AHI1: variants seen among roughly 807,000 people sequenced by gnomAD.
AHI1 encodes jouberin.
Under a neutral mutation model 149.3 loss-of-function variants are expected in AHI1, and 123 were observed. The ratio of observed to expected loss-of-function variants is 0.82; its 90% CI spans 0.71 to 0.96. The LOEUF is 0.96. AHI1 is among the 40% of genes least tolerant of loss of function. The pLI is 0.00. For synonymous variants in AHI1, 475 were observed against 459.8 expected, an observed-to-expected ratio of 1.03 and a Z score of -0.42; for missense variants, 1,439 against 1,422.7, an observed-to-expected ratio of 1.01 and a Z score of -0.18.
chr6:135,436,975 A>T (rs1230687211), intron 15 of AHI1, among the ~76,000 whole-genome samples: 3 of 152,216 alleles, frequency 2.0e-5, no homozygotes, highest in African/African-American at 7.2e-5. Context: ...AGTAGATGTA[A>T]TACAAATTTT....
intron 24 of AHI1, among the ~76,000 whole-genome samples, chr6:135,339,331 A>AT (rs960588833): frequency 1.4e-4 from 21 of 152,194 alleles, no homozygotes; most frequent in African/African-American, 5.1e-4. Flanking sequence ...TGGAGGCAAA[A>AT]TAGTTAACAG....
chr6:135,353,091 C>T (rs971429353), intron 24 of AHI1, among the ~76,000 whole-genome samples: 1 of 151,918 alleles, frequency 6.6e-6, no homozygotes, highest in African/African-American at 2.4e-5. Flanking sequence ...AAAAAATCAA[C>T]ATAAGCTTCA....
rs1375938927 is a variant in AHI1, at chr6:135,302,363, C to T, written c.3427-1805G>A. ...TACTGAACTATATACCAGTGTTAAGCCAATGTTACTTTTAATTATTTTTTG... is the reference window on the plus strand; with the variant it reads ...TACTGAACTATATACCAGTGTTAAGTCAATGTTACTTTTAATTATTTTTTG... On this transcript the variant is annotated intron_variant, in intron 26 of 28. Transcript: ENST00000265602. 4.0e-6 allele frequency: 4 copies of T among 989,780 alleles called. No homozygotes were observed. In the African/African-American group the frequency reaches 7.0e-5, roughly 17 times the overall value. 61.3% of individuals were successfully genotyped at this position (989,780 alleles called of 1,614,324 possible).
intron 8 of AHI1, among the ~76,000 whole-genome samples, chr6:135,460,303 A>T (rs983554378): frequency 6.6e-6 from 1 of 152,218 alleles, no homozygotes; most frequent in Non-Finnish European, 1.5e-5. Context: ...CAAAACAAAA[A>T]TTTTTTAAAT....
At chr6:135,443,368 T>A (rs1562782920) in intron 13 of AHI1, among the ~76,000 whole-genome samples, 1 of 152,214 alleles carries the variant, frequency 6.6e-6, no homozygotes, top group Non-Finnish European at 1.5e-5. Context: ...CCTAATTCTA[T>A]CTCTTGCAAC....
At chr6:135,344,538 T>A (rs1790874754) in intron 24 of AHI1, among the ~76,000 whole-genome samples, 1 of 151,952 alleles carries the variant, frequency 6.6e-6, no homozygotes, top group Admixed American at 6.6e-5. Flanking sequence ...TAACAAGGAA[T>A]GATGTTTTCT....
At chr6:135,300,634 A>ATTTC in intron 26 of AHI1, 76 bp from the exon 27 acceptor site, 2 of 1,544,856 alleles carry the variant, frequency 1.3e-6, no homozygotes, top group South Asian at 2.4e-5. Flanking sequence ...ACATGCTGAA[A>ATTTC]ACCCACCAAC....
At position 135,318,499 on chromosome 6, in the gene AHI1, G is replaced by C; in HGVS notation, c.3426+20C>G. 6.9e-7 allele frequency: 1 copy of C among 1,442,648 alleles called. No individual in the cohort carries two copies. The highest frequency in any genetic ancestry group is 9.6e-7 in the Non-Finnish European group (1 of 1,043,264). 89.4% of individuals were successfully genotyped at this position (1,442,648 alleles called of 1,614,324 possible). Reference sequence around the variant, plus strand: ...GAAAATCAAAGTACATATGTAATACGTATGCTCAAAAACATTTACCTTTTG... The same window carrying C: ...GAAAATCAAAGTACATATGTAATACCTATGCTCAAAAACATTTACCTTTTG... On this transcript the variant is annotated intron_variant, in intron 26 of 28. Coordinates refer to ENST00000265602, the MANE Select transcript of AHI1 (RefSeq NM_001134831.2).
In AHI1 at chr6:135,490,685, C is replaced by T. The variant is rs201590073; in HGVS notation, c.73G>A (p.Asp25Asn). ...RFEELLKTHSDLMREKKKLKK... is the reference protein window; with the variant it reads ...RFEELLKTHSNLMREKKKLKK... ...AGTTTTTTCTTTTCACGCATTAGAT[C>T]ACTGTGGGTCTTAAGCAATTCTTCA... is the stretch of plus-strand genomic sequence containing the variant. The change falls in exon 5 of 29, where the codon GAT becomes AAT. Residue 25 changes from aspartate (D) to asparagine (N), a missense_variant. Coordinates refer to ENST00000265602, the MANE Select transcript of AHI1 (RefSeq NM_001134831.2). 99 of 1,613,196 alleles carry T rather than the reference C, an allele frequency of 6.1e-5. No individual in the cohort carries two copies. Among genetic ancestry groups the T allele is most frequent in the Middle Eastern group, 3.3e-4 (2 of 6,080 alleles).
intron 23 of AHI1, among the ~76,000 whole-genome samples, chr6:135,372,233 C>T (rs1226760264): frequency 6.6e-6 from 1 of 152,026 alleles, no homozygotes; most frequent in Non-Finnish European, 1.5e-5. Context: ...GGGCAATAGA[C>T]CATGAAGAGG....
intron 26 of AHI1, among the ~76,000 whole-genome samples, chr6:135,309,742 A>G (rs1306089085): frequency 1.3e-5 from 2 of 152,158 alleles, no homozygotes; most frequent in Non-Finnish European, 2.9e-5. Flanking sequence ...TTGGCCTCCC[A>G]AAGTGCTGGG....
At chr6:135,296,884 A>C (rs968504497) in intron 27 of AHI1, among the ~76,000 whole-genome samples, 3 of 152,212 alleles carry the variant, frequency 2.0e-5, no homozygotes, top group Non-Finnish European at 4.4e-5. Flanking sequence ...ATATTTAGCA[A>C]ATGACTATTA....
intron 5 of AHI1, among the ~76,000 whole-genome samples, chr6:135,476,137 T>C (rs1473188695): frequency 6.6e-6 from 1 of 152,194 alleles, no homozygotes; most frequent in African/African-American, 2.4e-5. Flanking sequence ...TCCATAAATT[T>C]TGATATGCTG....
Position 135,429,919 on chromosome 6 carries a change from T to C in AHI1, c.2455A>G (p.Thr819Ala), listed in dbSNP as rs761710229. 30 of 1,589,044 alleles carry C rather than the reference T, an allele frequency of 1.9e-5. No homozygotes were observed. In the South Asian group the frequency reaches 3.2e-4, roughly 17 times the overall value. ...HPNGKRLLIHTKDSTLRIMDL... is the reference protein window; with the variant it reads ...HPNGKRLLIHAKDSTLRIMDL... The stretch of plus-strand genomic sequence containing the variant: ...ATAATTCTCAAAGTACTGTCTTTGG[T>C]ATGGATTAACAAACGTTTTCCATTG... The change falls in exon 18 of 29, where the codon ACC becomes GCC. Residue 819 changes from threonine (T) to alanine (A), a missense_variant. Thr to Ala is a moderately conservative substitution (Grantham distance 58). Transcript: ENST00000265602.
chr6:135,376,290 A>G (rs1415209347), intron 23 of AHI1, among the ~76,000 whole-genome samples: 2 of 152,204 alleles, frequency 1.3e-5, no homozygotes, highest in Non-Finnish European at 2.9e-5. Context: ...CACAAAGAAC[A>G]AAGGAAGGTT....
intron 23 of AHI1, among the ~76,000 whole-genome samples, chr6:135,384,735 A>G (rs1297508304): frequency 6.6e-6 from 1 of 152,172 alleles, no homozygotes; most frequent in Non-Finnish European, 1.5e-5. Flanking sequence ...TCAGATAATG[A>G]AGTGGATTTT....
At chr6:135,442,115 C>G (rs1786386676) in intron 14 of AHI1, among the ~76,000 whole-genome samples, 1 of 152,030 alleles carries the variant, frequency 6.6e-6, no homozygotes, top group Admixed American at 6.6e-5. Context: ...GAAATAATTG[C>G]TTGGCCTCTC....
At chr6:135,492,466 T>C (rs899764762) in intron 3 of AHI1, 175 bp from the exon 4 acceptor site, 2 of 1,229,716 alleles carry the variant, frequency 1.6e-6, no homozygotes, top group African/African-American at 1.5e-5. Context: ...TTTGAATCAG[T>C]TTAGGGCTCT....
intron 2 of AHI1, among the ~76,000 whole-genome samples, chr6:135,496,750 CAA>C (rs1796019140): frequency 6.6e-6 from 1 of 151,986 alleles, no homozygotes; most frequent in Admixed American, 6.6e-5. Flanking sequence ...GAAAAAAAGA[CAA>C]ACAAAAATCC....
Sources: allele counts gnomAD v4.1 joint callset (sites outside exome capture counted in the v4.1 genomes callset), GRCh38; gene constraint gnomAD v4.1.1; transcripts MANE v1.5; gene names NCBI Gene and HGNC (gene_info 2026-07-23, HGNC 2026-07-21).